Variants in PDE1C observed in about 807,000 individuals in gnomAD.
PDE1C encodes phosphodiesterase 1C.
A neutral mutation model predicts 93.1 loss-of-function variants in PDE1C; 62 were observed. The ratio of observed to expected loss-of-function variants is 0.67; its 90% confidence interval spans 0.54 to 0.82. The LOEUF (loss-of-function observed/expected upper bound fraction) is 0.82. Among genes scored for constraint, PDE1C ranks in the 40% least tolerant of loss-of-function variants. The pLI is 0.00. For missense variants in PDE1C, 742 were observed against 884.6 expected, an observed-to-expected ratio of 0.84 and a Z score of 2.04; for synonymous variants, 325 against 310.1, an observed-to-expected ratio of 1.05 and a Z score of -0.50.
At chr7:32,422,859 C>T (rs1785460224) in intron 1 of PDE1C, among the ~76,000 whole-genome samples, 2 of 152,134 alleles carry the variant, frequency 1.3e-5, no homozygotes, top group Admixed American at 6.5e-5. Flanking sequence ...TGCAAAAGGG[C>T]TAGGGAGGTG....
chr7:31,696,878 C>A, the PDE1C span: 3 of 1,428,444 alleles, frequency 2.1e-6, no homozygotes, highest in Non-Finnish European at 2.9e-6. Context: ...ACTGTCTTCA[C>A]CAGATGTCTA....
downstream of PDE1C, among the ~76,000 whole-genome samples, chr7:31,749,735 A>ATTTTTT (rs776124846): frequency 2.3e-5 from 3 of 131,320 alleles, 1 homozygote; most frequent in Admixed American, 8.1e-5. Context: ...CTGTTGTCTA[A>ATTTTTT]TTTTTTTTTT....
At chr7:32,133,689 A>G (rs1003191193) in intron 3 of PDE1C, among the ~76,000 whole-genome samples, 45 of 152,188 alleles carry the variant, frequency 3.0e-4, no homozygotes, top group South Asian at 2.1e-4. Context: ...AAATAAAAAA[A>G]CATCAATACT....
At chr7:32,425,002 C>T (rs1785500180) in intron 1 of PDE1C, among the ~76,000 whole-genome samples, 1 of 152,032 alleles carries the variant, frequency 6.6e-6, no homozygotes, top group South Asian at 2.1e-4. Flanking sequence ...CTCTATATGC[C>T]TTAATGTCTT....
intron 3 of PDE1C, among the ~76,000 whole-genome samples, chr7:32,139,147 T>A (rs1800370969): frequency 6.6e-6 from 1 of 152,044 alleles, no homozygotes. Flanking sequence ...TCAATCTTTG[T>A]TTTTTAGAAA....
intron 14 of PDE1C, among the ~76,000 whole-genome samples, chr7:31,818,851 T>G (rs1160681921): frequency 8.5e-5 from 13 of 152,262 alleles, no homozygotes; most frequent in African/African-American, 3.1e-4. Context: ...ATAATTTTGA[T>G]AAAAACTGAA....
the PDE1C span, among the ~76,000 whole-genome samples, chr7:31,697,910 T>G: frequency 6.6e-6 from 1 of 152,212 alleles, no homozygotes; most frequent in Non-Finnish European, 1.5e-5. Context: ...TCATCTACTT[T>G]AAAGTCTTAT....
intron 1 of PDE1C, among the ~76,000 whole-genome samples, chr7:32,364,417 G>A (rs1173812419): frequency 1.3e-5 from 2 of 152,178 alleles, no homozygotes; most frequent in Admixed American, 6.5e-5. Flanking sequence ...GGAGGGCAGC[G>A]TGGAAGCACT....
At chr7:32,001,443 G>A (rs1045883990) in intron 2 of PDE1C, among the ~76,000 whole-genome samples, 3 of 152,166 alleles carry the variant, frequency 2.0e-5, no homozygotes, top group Admixed American at 6.5e-5. Flanking sequence ...TTATTATCAT[G>A]TATTACGGTT....
chr7:31,914,892 C>T (rs1801686778), intron 2 of PDE1C, among the ~76,000 whole-genome samples: 1 of 152,144 alleles, frequency 6.6e-6, no homozygotes, highest in Non-Finnish European at 1.5e-5. Flanking sequence ...GGAATGAATC[C>T]ATTATCACAG....
chr7:32,024,464 A>G (rs555545548), intron 2 of PDE1C, among the ~76,000 whole-genome samples: 1 of 151,882 alleles, frequency 6.6e-6, no homozygotes, highest in Admixed American at 6.6e-5. Flanking sequence ...GGACTCAAGA[A>G]GTATTCATTC....
intron 16 of PDE1C, among the ~76,000 whole-genome samples, chr7:31,791,450 T>C (rs1431371053): frequency 3.9e-5 from 6 of 152,120 alleles, no homozygotes; most frequent in African/African-American, 1.4e-4. Flanking sequence ...AAATTTTCCA[T>C]TGATGTTGAT....
At chr7:31,947,530 A>T (rs55986985) in intron 2 of PDE1C, among the ~76,000 whole-genome samples, 5,039 of 152,292 alleles carry the variant, frequency 0.033, 151 homozygotes, top group African/African-American at 0.081. Context: ...AAGGCTGGCT[A>T]TGCCCTTCCA....
the PDE1C span, among the ~76,000 whole-genome samples, chr7:31,674,005 T>C: frequency 2.0e-5 from 3 of 152,168 alleles, no homozygotes; most frequent in African/African-American, 7.2e-5. Context: ...TTACTATGTG[T>C]GTATTTTTTT....
At chr7:31,969,288 T>C (rs1383521952) in intron 2 of PDE1C, among the ~76,000 whole-genome samples, 2 of 151,852 alleles carry the variant, frequency 1.3e-5, no homozygotes, top group Non-Finnish European at 2.9e-5. Flanking sequence ...CTCAAACAAA[T>C]TTACAAGAAA....
the PDE1C span, among the ~76,000 whole-genome samples, chr7:31,691,419 A>G: frequency 6.6e-6 from 1 of 152,136 alleles, no homozygotes; most frequent in Admixed American, 6.5e-5. Context: ...CTCCCCCACC[A>G]CTCTTGCTAT....
At chr7:31,991,034 G>A (rs956065384) in intron 2 of PDE1C, among the ~76,000 whole-genome samples, 3 of 151,912 alleles carry the variant, frequency 2.0e-5, no homozygotes, top group Non-Finnish European at 2.9e-5. Context: ...GAACACTAAT[G>A]GAAACATTTT....
In PDE1C at chr7:32,115,336, G is replaced by C. The variant is rs374835074; in HGVS notation, c.308+54449C>G. The stretch of plus-strand genomic sequence containing the variant: ...CTTCGCAGGGACATGGATGAAGCTG[G>C]AAGTCATCATCCTCAGCAAACTAAT... On this transcript the variant is annotated intron_variant, in intron 3 of 18. Transcript: ENST00000396193. Among the ~76,000 whole-genome samples the C allele has an allele frequency of 1.8e-4, 27 of 152,244 alleles. No homozygotes were observed. The South Asian group carries it at 5.6e-3, about 32-fold the overall frequency.
intron 16 of PDE1C, among the ~76,000 whole-genome samples, chr7:31,799,553 T>C (rs974480456): frequency 2.5e-4 from 38 of 151,706 alleles, no homozygotes; most frequent in African/African-American, 7.3e-4. Flanking sequence ...GAATCATCTA[T>C]TTTTTAAAAA....
Sources: allele counts gnomAD v4.1 joint callset (sites outside exome capture counted in the v4.1 genomes callset), GRCh38; gene constraint gnomAD v4.1.1; transcripts MANE v1.5; gene names NCBI Gene and HGNC (gene_info 2026-07-23, HGNC 2026-07-21).